SLAIN1: variants seen among roughly 807,000 people sequenced by gnomAD.
SLAIN1 encodes the protein SLAIN family member 1.
SLAIN1 carries 17 observed loss-of-function variants against 55.4 expected under a neutral mutation model. The observed-to-expected ratio is 0.31, with a 90% CI of 0.21 to 0.46. SLAIN1 has a LOEUF of 0.46. Ranked by LOEUF, SLAIN1 falls within the 20% of genes least tolerant of loss-of-function variation. The pLI is 1.00. For missense variants in SLAIN1, 682 were observed against 785.1 expected, an observed-to-expected ratio of 0.87 and a Z score of 1.57; for synonymous variants, 348 against 337.4, an observed-to-expected ratio of 1.03 and a Z score of -0.35.
In SLAIN1 at chr13:77,698,830, G is replaced by C. The variant is rs2091001101; in HGVS notation, c.626+291G>C. 1 of 1,466,800 alleles carries C rather than the reference G, an allele frequency of 6.8e-7. No individual in the cohort carries two copies. The highest frequency in any genetic ancestry group is 2.5e-5 in the East Asian group (1 of 40,098). The allele number at this position is 1,466,800 out of a possible 1,614,324, so 90.9% of individuals were successfully genotyped here. On this transcript the variant is annotated intron_variant, in intron 1 of 6. Coordinates refer to ENST00000418532, the MANE Select transcript of SLAIN1 (RefSeq NM_001242868.2). The surrounding 1 kb of genome is among the most constrained non-coding windows in gnomAD (Gnocchi z 4.1). ...CTATTTGCTGATTGTTGGGTCCCAA[G>C]CTCCTCGTTAGCATTAAGTGCAAAA...
At position 77,753,335 on chromosome 13, in the gene SLAIN1, G is replaced by T; in HGVS notation, c.1391G>T (p.Gly464Val). 1 of 1,607,420 alleles carries T rather than the reference G, an allele frequency of 6.2e-7. No individual in the cohort carries two copies. The highest frequency in any genetic ancestry group is 1.3e-5 in the African/African-American group (1 of 74,726). ...TCAAGCTTGCATGGAGCTGGAAATG[G>T]AATTTCAAGAATACAATCTTGTAGT... Reference protein sequence around the residue: ...FDSSLHGAGNGISRIQSCIPS... With the variant: ...FDSSLHGAGNVISRIQSCIPS... Residue 464 changes from glycine to valine, a missense_variant, in exon 5 of 7, where the codon GGA becomes GTA. Physicochemically the swap from Gly to Val is moderately radical, Grantham distance 109. This residue lies in a region of SLAIN1 where 244 missense variants were observed against 295.2 expected (regional missense o/e 0.83). Transcript: ENST00000418532.
At chr13:77,738,571 A>G (rs555483531) in intron 2 of SLAIN1, among the ~76,000 whole-genome samples, 2 of 152,060 alleles carry the variant, frequency 1.3e-5, no homozygotes, top group African/African-American at 2.4e-5. Context: ...TCCTCCTACC[A>G]TGGATGGAGC....
At position 77,698,954 on chromosome 13, in the gene SLAIN1, T is replaced by C. The variant is rs1288182571; in HGVS notation, c.626+415T>C. 1 of 1,534,250 alleles carries C rather than the reference T, an allele frequency of 6.5e-7. No homozygotes were observed. The highest frequency in any genetic ancestry group is 2.4e-5 in the East Asian group (1 of 40,914). On this transcript the variant is annotated intron_variant, in intron 1 of 6. Coordinates refer to ENST00000418532, the MANE Select transcript of SLAIN1 (RefSeq NM_001242868.2). The surrounding 1 kb of genome is among the most constrained non-coding windows in gnomAD (Gnocchi z 4.1). ...AGGGGTTGGCCTCTGTCTGCGACTGTTACTGTTCTTTCGTTTTAAACGAAC... is the reference window on the plus strand; with the variant it reads ...AGGGGTTGGCCTCTGTCTGCGACTGCTACTGTTCTTTCGTTTTAAACGAAC...
At chr13:77,760,791 A>G (rs1215083696) in intron 5 of SLAIN1, 37 bp from the exon 6 acceptor site, 7 of 1,603,766 alleles carry the variant, frequency 4.4e-6, no homozygotes, top group Non-Finnish European at 6.0e-6. Context: ...GGATAGTGGT[A>G]GAAGGTTGCT....
chr13:77,744,543 C>T, intron 3 of SLAIN1, 111 bp downstream of exon 3: 1 of 1,540,306 alleles, frequency 6.5e-7, no homozygotes, highest in Non-Finnish European at 8.8e-7. Flanking sequence ...TAGATTCTTT[C>T]TCTCATACTG....
At chr13:77,753,925 A>G (rs1874417270) in intron 5 of SLAIN1, among the ~76,000 whole-genome samples, 1 of 151,980 alleles carries the variant, frequency 6.6e-6, no homozygotes, top group East Asian at 1.9e-4. Flanking sequence ...TCTGTTACTT[A>G]CTTTCTATGT....
At position 77,698,122 on chromosome 13, in the gene SLAIN1, C is replaced by A; in HGVS notation, c.209C>A (p.Pro70Gln). Residue 70 changes from proline to glutamine, a missense_variant, in exon 1 of 7, where the codon CCG becomes CAG. Physicochemically the swap from Pro to Gln is moderately conservative, Grantham distance 76. Transcript: ENST00000418532. The surrounding 1 kb of genome is among the most constrained non-coding windows in gnomAD (Gnocchi z 4.1). ...CTGCCGCCGCCGCCGCCCGCCGCGC[C>A]GCCCCCCGCTGGCCTGCAGCCTTTG... is the stretch of plus-strand genomic sequence containing the variant. ...LLLPPPPPAAPPPAGLQPLGP... is the reference protein window; with the variant it reads ...LLLPPPPPAAQPPAGLQPLGP... 1.0e-6 allele frequency: 1 copy of A among 988,442 alleles called. No individual in the cohort carries two copies. The highest frequency in any genetic ancestry group is 1.2e-6 in the Non-Finnish European group (1 of 861,918). The allele number at this position is 988,442 out of a possible 1,614,324, so 61.2% of individuals were successfully genotyped here. A position where few individuals can be genotyped will look rare whatever the true frequency, so the allele number is the denominator to read the frequency against.
chr13:77,731,930 T>C (rs754240556), intron 2 of SLAIN1, among the ~76,000 whole-genome samples: 16 of 152,040 alleles, frequency 1.1e-4, no homozygotes, highest in Non-Finnish European at 2.2e-4. Flanking sequence ...TGGGCCTGGG[T>C]GGGGAAGGAA....
In SLAIN1 at chr13:77,698,111, G is replaced by A. The variant is rs1227569090; in HGVS notation, c.198G>A (p.Pro66=). The change falls in exon 1 of 7, where the codon CCG becomes CCA. Residue 66 remains proline, a synonymous_variant. Transcript: ENST00000418532. The surrounding 1 kb of genome is among the most constrained non-coding windows in gnomAD (Gnocchi z 4.1). ...APHLLLLPPP[P]PAAPPPAGLQ... ...ACCTGCTGCTGCTGCCGCCGCCGCC[G>A]CCCGCCGCGCCGCCCCCCGCTGGCC... is the stretch of plus-strand genomic sequence containing the variant. 1.9e-6 allele frequency: 2 copies of A among 1,030,558 alleles called. No individual in the cohort carries two copies. The highest frequency in any genetic ancestry group is 6.3e-5 in the East Asian group (1 of 15,960). The allele number at this position is 1,030,558 out of a possible 1,614,324, so 63.8% of individuals were successfully genotyped here.
intron 4 of SLAIN1, among the ~76,000 whole-genome samples, chr13:77,752,455 A>C (rs1874297454): frequency 1.3e-5 from 2 of 152,060 alleles, no homozygotes; most frequent in Admixed American, 1.3e-4. Context: ...TTTTTATAGA[A>C]GTTTCGTTCT....
chr13:77,725,952 T>G (rs1217537190), intron 2 of SLAIN1, among the ~76,000 whole-genome samples: 4 of 152,238 alleles, frequency 2.6e-5, no homozygotes, highest in African/African-American at 9.6e-5. Flanking sequence ...GTACTGTAAC[T>G]TCTTGCAGGG....
chr13:77,755,262 T>G (rs951548064), intron 5 of SLAIN1, among the ~76,000 whole-genome samples: 13 of 151,524 alleles, frequency 8.6e-5, no homozygotes, highest in African/African-American at 3.2e-4. Context: ...GAGTCTGCAG[T>G]GAGCCAAGAT....
At position 77,697,998 on chromosome 13, in the gene SLAIN1, G is replaced by A; in HGVS notation, c.85G>A (p.Val29Met). 1 of 1,441,504 alleles carries A rather than the reference G, an allele frequency of 6.9e-7. No homozygotes were observed. Among genetic ancestry groups the A allele is most frequent in the Non-Finnish European group, 9.2e-7 (1 of 1,087,400 alleles). The allele number at this position is 1,441,504 out of a possible 1,614,324, so 89.3% of individuals were successfully genotyped here. A position where few individuals can be genotyped will look rare whatever the true frequency, so the allele number is the denominator to read the frequency against. The change falls in exon 1 of 7, where the codon GTG becomes ATG. Residue 29 changes from valine (V) to methionine (M), a missense_variant. Val to Met is a conservative substitution (Grantham distance 21). Coordinates refer to ENST00000418532, the MANE Select transcript of SLAIN1 (RefSeq NM_001242868.2). ...GCCGGTGGTGAACGCGGAGCTGGAG[G>A]TGAAGAAGCTGCAGGAGCTGGTGCG... ...SGPVVNAELE[V>M]KKLQELVRKL...
chr13:77,698,848 G>A lies in SLAIN1; in HGVS notation c.626+309G>A. The A allele has an allele frequency of 6.7e-7, 1 of 1,499,474 alleles. No individual in the cohort carries two copies. The allele number at this position is 1,499,474 out of a possible 1,614,324, so 92.9% of individuals were successfully genotyped here. On this transcript the variant is annotated intron_variant, in intron 1 of 6. Coordinates refer to ENST00000418532, the MANE Select transcript of SLAIN1 (RefSeq NM_001242868.2). This position sits in a 1 kb window ranked among gnomAD's most constrained non-coding sequence, Gnocchi z 4.1. ...GTCCCAAGCTCCTCGTTAGCATTAA[G>A]TGCAAAATCCATGTCATCTTGTCTT...
chr13:77,724,434 G>A (rs1316757778), intron 2 of SLAIN1, among the ~76,000 whole-genome samples: 1 of 152,108 alleles, frequency 6.6e-6, no homozygotes, highest in Non-Finnish European at 1.5e-5. Flanking sequence ...CTAAGATGTT[G>A]TGACCATCCC....
chr13:77,723,564 C>T (rs2091280982), intron 2 of SLAIN1, among the ~76,000 whole-genome samples: 1 of 152,146 alleles, frequency 6.6e-6, no homozygotes, highest in African/African-American at 2.4e-5. Flanking sequence ...AAAACCATTT[C>T]CCACAGAGTT....
intron 1 of SLAIN1, among the ~76,000 whole-genome samples, chr13:77,710,264 A>T (rs529934071): frequency 6.6e-6 from 1 of 152,324 alleles, no homozygotes; most frequent in South Asian, 2.1e-4. Flanking sequence ...AAATACCCCA[A>T]TTAAAAGACA....
intron 2 of SLAIN1, 33 bp downstream of exon 2, chr13:77,719,704 A>C (rs2091243404): frequency 6.2e-7 from 1 of 1,603,496 alleles, no homozygotes; most frequent in South Asian, 1.1e-5. Context: ...ACATTCTCCA[A>C]CTCTTGTCAC....
chr13:77,712,346 A>G (rs997446415), intron 1 of SLAIN1, among the ~76,000 whole-genome samples: 1 of 152,210 alleles, frequency 6.6e-6, no homozygotes, highest in Non-Finnish European at 1.5e-5. Flanking sequence ...AAATCACCTT[A>G]AGCTGATAAG....
Sources: gnomAD v4.1 joint callset for allele counts (sites outside exome capture counted in the v4.1 genomes callset) on GRCh38, gnomAD v4.1.1 for gene constraint, gnomAD v4.1.1 regional missense constraint, Gnocchi (gnomAD v3.1) non-coding constraint, MANE v1.5 for transcripts, NCBI Gene and HGNC (gene_info 2026-07-23, HGNC 2026-07-21) for gene names.